The following CRAMP1 variants were observed in gnomAD, a reference collection of about 807,000 sequenced individuals.
CRAMP1 encodes the protein cramped chromatin regulator 1, also known as protein cramped-like.
Under a neutral mutation model 115.4 loss-of-function variants are expected in CRAMP1, and 50 were observed. The ratio of observed to expected loss-of-function variants is 0.43; its 90% CI spans 0.35 to 0.55. The LOEUF (loss-of-function observed/expected upper bound fraction) is 0.55. Among genes scored for constraint, CRAMP1 ranks in the 20% least tolerant of loss-of-function variants. The pLI, the probability that CRAMP1 is intolerant of heterozygous loss-of-function variation, is 0.01. For synonymous variants in CRAMP1, 866 were observed against 745.4 expected, an observed-to-expected ratio of 1.16 and a Z score of -2.64; for missense variants, 1,679 against 1,721.7, an observed-to-expected ratio of 0.98 and a Z score of 0.44.
At chr16:1,622,750 CTA>C in intron 2 of CRAMP1, among the ~76,000 whole-genome samples, 1 of 144,672 alleles carries the variant, frequency 6.9e-6, no homozygotes, top group South Asian at 2.2e-4. Flanking sequence ...GCCCGGCAGT[CTA>C]CTTTTTTTTT....
chr16:1,657,549 T>C (rs2036786919), intron 10 of CRAMP1, among the ~76,000 whole-genome samples: 1 of 152,248 alleles, frequency 6.6e-6, no homozygotes, highest in South Asian at 2.1e-4. Context: ...TCCCAGCTGC[T>C]GTGCAGATGT....
chr16:1,645,730 C>G (rs914381070), intron 6 of CRAMP1, among the ~76,000 whole-genome samples: 2 of 152,148 alleles, frequency 1.3e-5, no homozygotes. Flanking sequence ...CTAGCTTCAC[C>G]CCAGCAGCCT....
intron 11 of CRAMP1, among the ~76,000 whole-genome samples, chr16:1,662,251 A>C (rs2036837767): frequency 6.6e-6 from 1 of 152,176 alleles, no homozygotes; most frequent in Non-Finnish European, 1.5e-5. Context: ...CGAAGTGGTG[A>C]AGTGCTTTTG....
chr16:1,619,120 G>A (rs1178676238), intron 2 of CRAMP1, among the ~76,000 whole-genome samples: 3 of 152,200 alleles, frequency 2.0e-5, no homozygotes, highest in Non-Finnish European at 4.4e-5. Context: ...TAACATCGTT[G>A]TATAAAGTGG....
intron 6 of CRAMP1, among the ~76,000 whole-genome samples, chr16:1,648,478 G>A (rs1297292681): frequency 1.3e-5 from 2 of 152,018 alleles, no homozygotes; most frequent in Non-Finnish European, 2.9e-5. Flanking sequence ...GGTGGTGGGC[G>A]CCTGTAGTCC....
intron 2 of CRAMP1, among the ~76,000 whole-genome samples, chr16:1,619,511 T>G (rs1235724876): frequency 6.6e-6 from 1 of 152,200 alleles, no homozygotes; most frequent in African/African-American, 2.4e-5. Context: ...AAGAACCACG[T>G]TAGAAACACT....
At chr16:1,622,456 G>C (rs532245443) in intron 2 of CRAMP1, among the ~76,000 whole-genome samples, 1 of 152,342 alleles carries the variant, frequency 6.6e-6, no homozygotes, top group African/African-American at 2.4e-5. Flanking sequence ...CTTGCAGTAA[G>C]CCAGGATTGC....
intron 6 of CRAMP1, among the ~76,000 whole-genome samples, chr16:1,648,784 C>T (rs112994513): frequency 8.0e-5 from 12 of 150,844 alleles, no homozygotes; most frequent in Non-Finnish European, 1.3e-4. Context: ...TCAGGCCGGG[C>T]GCGGTGGCTC....
intron 1 of CRAMP1, among the ~76,000 whole-genome samples, chr16:1,613,124 TG>T (rs1338021410): frequency 6.6e-6 from 1 of 152,034 alleles, no homozygotes; most frequent in Non-Finnish European, 1.5e-5. Flanking sequence ...ACGAGGTCTT[TG>T]GGGGTTTAGG....
chr16:1,650,565 A>G (rs1436522694), intron 6 of CRAMP1, among the ~76,000 whole-genome samples: 2 of 152,220 alleles, frequency 1.3e-5, no homozygotes, highest in Non-Finnish European at 2.9e-5. Flanking sequence ...ACTTACAGTC[A>G]TTTCATGTGT....
chr16:1,662,397 GTCTT>G, intron 11 of CRAMP1, 89 bp from the exon 12 acceptor site: 2 of 1,040,314 alleles, frequency 1.9e-6, no homozygotes, highest in South Asian at 2.9e-5. Flanking sequence ...CCAAGAGAAT[GTCTT>G]TCTGACTTTC....
chr16:1,612,464 C>G lies in CRAMP1; in HGVS notation c.-195C>G, dbSNP rs1596477697. ...TCTGCGTCCGCAGCCCCCGCAGCCGCGCGCCGGCCCGCGGAGGGGACGTGC... is the reference window on the plus strand; with the variant it reads ...TCTGCGTCCGCAGCCCCCGCAGCCGGGCGCCGGCCCGCGGAGGGGACGTGC... On this transcript the variant is annotated 5_prime_UTR_variant, in exon 1 of 21. Coordinates refer to ENST00000397412, the MANE Select transcript of CRAMP1 (RefSeq NM_020825.4). 1 of 151,240 alleles carries G rather than the reference C, an allele frequency of 6.6e-6. No individual in the cohort carries two copies. Among genetic ancestry groups the G allele is most frequent in the African/African-American group, 2.4e-5 (1 of 41,320 alleles). The allele number at this position is 151,240 out of a possible 1,614,324, so 9.4% of individuals were successfully genotyped here. A position where few individuals can be genotyped will look rare whatever the true frequency, so the allele number is the denominator to read the frequency against.
rs142704027 is a variant in CRAMP1, at chr16:1,625,772, C to T, written c.347-201C>T. On this transcript the variant is annotated intron_variant, in intron 2 of 20. Coordinates refer to ENST00000397412, the MANE Select transcript of CRAMP1 (RefSeq NM_020825.4). ...TCTAACTGTAAAAACATTTGAGGGT[C>T]ATTTGGCCAGGTAAAGATCCTGGCA... 4 of 521,354 alleles carry T rather than the reference C, an allele frequency of 7.7e-6. No individual in the cohort carries two copies. The East Asian group carries it at 1.4e-4, about 18-fold the overall frequency. The allele number at this position is 521,354 out of a possible 1,614,324, so 32.3% of individuals were successfully genotyped here.
intron 10 of CRAMP1, among the ~76,000 whole-genome samples, chr16:1,658,848 T>A (rs1654331873): frequency 1.3e-5 from 2 of 152,120 alleles, no homozygotes; most frequent in African/African-American, 4.8e-5. Context: ...GAGGGCTTCT[T>A]AGTCCATAGG....
chr16:1,618,415 CT>C (rs920923849), intron 2 of CRAMP1, among the ~76,000 whole-genome samples: 5 of 152,168 alleles, frequency 3.3e-5, no homozygotes, highest in African/African-American at 1.2e-4. Context: ...GCTGCACAGG[CT>C]GGCGGGGTGG....
rs1328562181 is a variant in CRAMP1, at chr16:1,666,310, T to G, written c.2858-112T>G. 8.2e-7 allele frequency: 1 copy of G among 1,215,618 alleles called. No individual in the cohort carries two copies. The highest frequency in any genetic ancestry group is 1.2e-6 in the Non-Finnish European group (1 of 850,442). The allele number at this position is 1,215,618 out of a possible 1,614,324, so 75.3% of individuals were successfully genotyped here. ...CCTTCACCAAGAACATCTAAGCCCT[T>G]GGCTCTTGCATTGACATGAGGTGCG... On this transcript the variant is annotated intron_variant, in intron 15 of 20. Coordinates refer to ENST00000397412, the MANE Select transcript of CRAMP1 (RefSeq NM_020825.4). This position sits in a 1 kb window ranked among gnomAD's most constrained non-coding sequence, Gnocchi z 5.0.
At chr16:1,613,872 A>G (rs989647162) in intron 1 of CRAMP1, among the ~76,000 whole-genome samples, 1 of 152,152 alleles carries the variant, frequency 6.6e-6, no homozygotes, top group African/African-American at 2.4e-5. Flanking sequence ...GCAGCAGCTC[A>G]CATTTCCCAC....
At chr16:1,624,989 A>G (rs1436347194) in intron 2 of CRAMP1, among the ~76,000 whole-genome samples, 1 of 152,092 alleles carries the variant, frequency 6.6e-6, no homozygotes, top group Non-Finnish European at 1.5e-5. Flanking sequence ...AGCCTCCCAA[A>G]GTGCTGGGAT....
At position 1,657,096 on chromosome 16, in the gene CRAMP1, G is replaced by T. The variant is rs570898386; in HGVS notation, c.2235+104G>T. ...CTAGGGCCAGCACGGTTGGGGTCCA[G>T]ATGAGAGAGACAGGGTCCTGTGGCA... On this transcript the variant is annotated intron_variant, in intron 10 of 20. Transcript: ENST00000397412. The T allele has an allele frequency of 9.3e-6, 10 of 1,074,572 alleles. No individual in the cohort carries two copies. The East Asian group carries it at 2.4e-4, about 26-fold the overall frequency. 66.6% of individuals were successfully genotyped at this position (1,074,572 alleles called of 1,614,324 possible).
Sources: allele counts gnomAD v4.1 joint callset (sites outside exome capture counted in the v4.1 genomes callset), GRCh38; gene constraint gnomAD v4.1.1; non-coding constraint Gnocchi (gnomAD v3.1); transcripts MANE v1.5; gene names NCBI Gene and HGNC (gene_info 2026-07-23, HGNC 2026-07-21).